Variants in CLUAP1 observed in about 807,000 individuals in gnomAD.
The protein encoded by CLUAP1 is clusterin-associated protein 1.
Under a neutral mutation model 55.0 loss-of-function variants are expected in CLUAP1, and 50 were observed. The ratio of observed to expected loss-of-function variants is 0.91; its 90% CI spans 0.72 to 1.15. CLUAP1 has a LOEUF of 1.15. CLUAP1 is among the 50% of genes most tolerant of loss of function. The probability of loss-of-function intolerance (pLI) is 0.00; values close to 1 mark genes in which losing one functional copy is unlikely to be tolerated. For missense variants in CLUAP1, 530 were observed against 507.6 expected (o/e 1.04, Z -0.42); for synonymous variants, 195 against 175.4 (o/e 1.11, Z -0.88).
At chr16:3,500,840 G>T (rs541918831), upstream of CLUAP1, 61 of 572,262 alleles carry the variant, frequency 1.1e-4, no homozygotes, top group East Asian at 1.6e-3. Context: ...CCTCATAGAC[G>T]CCGGTATCGC....
chr16:3,517,944 T>C (rs1187646019), intron 6 of CLUAP1, among the ~76,000 whole-genome samples: 1 of 152,144 alleles, frequency 6.6e-6, no homozygotes, highest in Non-Finnish European at 1.5e-5. Context: ...CATAGGCAGC[T>C]CCTATCTGCT....
chr16:3,501,639 G>T (rs1337910000), intron 1 of CLUAP1, among the ~76,000 whole-genome samples: 1 of 152,162 alleles, frequency 6.6e-6, no homozygotes, highest in African/African-American at 2.4e-5. Context: ...AAAATTAGCC[G>T]GGGGTGGTGG....
chr16:3,529,616 A>T lies in CLUAP1; in HGVS notation c.929-952A>T, dbSNP rs867455355. Among the ~76,000 whole-genome samples, 9 of 17,774 alleles carry T rather than the reference A, an allele frequency of 5.1e-4. 1 individual carries two copies. The highest frequency in any genetic ancestry group is 1.8e-3 in the African/African-American group (6 of 3,300). 11.7% of individuals were successfully genotyped at this position (17,774 alleles called of 152,430 possible). On this transcript the variant is annotated intron_variant, in intron 9 of 11. Transcript: ENST00000576634. ...ATTATTATATATTATATATTATATA[A>T]TATTATATATTATATATTATTATAT...
chr16:3,531,868 A>G (rs576462597), intron 10 of CLUAP1, among the ~76,000 whole-genome samples: 2 of 151,580 alleles, frequency 1.3e-5, no homozygotes, highest in East Asian at 3.9e-4. Context: ...TTTTGAGACA[A>G]AGTCTCGCTC....
At chr16:3,502,867 C>CT (rs1241900821) in intron 1 of CLUAP1, among the ~76,000 whole-genome samples, 1 of 152,202 alleles carries the variant, frequency 6.6e-6, no homozygotes, top group Non-Finnish European at 1.5e-5. Context: ...AAGGATCTTA[C>CT]TCAAATTAGT....
At chr16:3,519,769 G>A in intron 6 of CLUAP1, 134 bp from the exon 7 acceptor site, 1 of 787,218 alleles carries the variant, frequency 1.3e-6, no homozygotes, top group Non-Finnish European at 1.9e-6. Flanking sequence ...CATTGCTTGG[G>A]GAAGTGTCTA....
At chr16:3,529,714 A>AT (rs1491217969) in intron 9 of CLUAP1, among the ~76,000 whole-genome samples, 1 of 35,820 alleles carries the variant, frequency 2.8e-5, no homozygotes, top group African/African-American at 1.5e-4. Context: ...TATATTATAT[A>AT]ATATTATATA....
At chr16:3,522,335 T>A (rs1466948939) in intron 7 of CLUAP1, among the ~76,000 whole-genome samples, 2 of 152,052 alleles carry the variant, frequency 1.3e-5, no homozygotes, top group Non-Finnish European at 2.9e-5. Flanking sequence ...GGCTAATGTT[T>A]GTATTTTTAG....
chr16:3,500,340 G>A (rs2037364692), upstream of CLUAP1, among the ~76,000 whole-genome samples: 1 of 152,132 alleles, frequency 6.6e-6, no homozygotes, highest in Non-Finnish European at 1.5e-5. Context: ...TCGGACGGGG[G>A]AAGGCGGGCT....
intron 1 of CLUAP1, 35 bp downstream of exon 1, chr16:3,501,124 C>A: frequency 6.4e-7 from 1 of 1,571,580 alleles, no homozygotes; most frequent in Non-Finnish European, 8.6e-7. Flanking sequence ...ACCTGCGGGT[C>A]TTCCAGAGAT....
chr16:3,530,711 G>T (rs746327405), intron 10 of CLUAP1, 36 bp downstream of exon 10: 4 of 1,547,410 alleles, frequency 2.6e-6, no homozygotes, highest in Non-Finnish European at 3.6e-6. Context: ...TCCTCCCTGC[G>T]CCCTGTTTCA....
the CLUAP1 span, among the ~76,000 whole-genome samples, chr16:3,495,674 G>T: frequency 6.6e-6 from 1 of 152,220 alleles, no homozygotes; most frequent in African/African-American, 2.4e-5. Context: ...CTGGGGTCAG[G>T]CCACATAAAA....
intron 10 of CLUAP1, among the ~76,000 whole-genome samples, chr16:3,532,121 G>A (rs1035412321): frequency 1.3e-5 from 2 of 152,120 alleles, no homozygotes; most frequent in Non-Finnish European, 2.9e-5. Flanking sequence ...TTACAGGCCT[G>A]AGCCACCACT....
chr16:3,526,390 G>A (rs1225457326), intron 8 of CLUAP1, 22 bp from the exon 9 acceptor site: 7 of 1,567,674 alleles, frequency 4.5e-6, no homozygotes, highest in Admixed American at 1.9e-5. Context: ...TCTCTCCTGA[G>A]TCTGTATTTC....
chr16:3,503,189 A>T (rs1048600272), intron 1 of CLUAP1, among the ~76,000 whole-genome samples: 2 of 151,828 alleles, frequency 1.3e-5, no homozygotes, highest in Non-Finnish European at 2.9e-5. Context: ...TTTGAGATGG[A>T]GTCTCGCTCT....
chr16:3,506,823 C>G (rs1272404982), intron 3 of CLUAP1, among the ~76,000 whole-genome samples: 1 of 151,786 alleles, frequency 6.6e-6, no homozygotes, highest in Non-Finnish European at 1.5e-5. Context: ...CTTTCTAAAA[C>G]CATTCCATTG....
chr16:3,508,486 C>T lies in CLUAP1; in HGVS notation c.399+18C>T. On this transcript the variant is annotated intron_variant, in intron 4 of 11. Coordinates refer to ENST00000576634, the MANE Select transcript of CLUAP1 (RefSeq NM_015041.3). ...GCTCAAAGGTAAGGACAACAAAAGC[C>T]TTGTAGTGGGCGATGGAGCGTTGAT... The T allele has an allele frequency of 6.5e-7, 1 of 1,541,072 alleles. No homozygotes were observed. Among genetic ancestry groups the T allele is most frequent in the Non-Finnish European group, 8.7e-7 (1 of 1,153,132 alleles).
At chr16:3,508,215 C>T (rs897059778) in intron 3 of CLUAP1, 74 bp from the exon 4 acceptor site, 12 of 1,361,462 alleles carry the variant, frequency 8.8e-6, no homozygotes, top group Admixed American at 4.9e-5. Flanking sequence ...ATTTTCAACT[C>T]ACCTACATGG....
chr16:3,501,057 A>T lies in CLUAP1; in HGVS notation c.-11A>T. On this transcript the variant is annotated 5_prime_UTR_variant, in exon 1 of 12. Transcript: ENST00000576634. The stretch of plus-strand genomic sequence containing the variant: ...CAGTTGCGACCCTGGGCTCCTGGGG[A>T]CCTGAGCGTTATGTCTTTCCGCGAC... The T allele has an allele frequency of 6.3e-7, 1 of 1,599,692 alleles. No individual in the cohort carries two copies. The highest frequency in any genetic ancestry group is 8.5e-7 in the Non-Finnish European group (1 of 1,176,408).
Sources: allele counts gnomAD v4.1 joint callset (sites outside exome capture counted in the v4.1 genomes callset), GRCh38; gene constraint gnomAD v4.1.1; transcripts MANE v1.5; gene names NCBI Gene and HGNC (gene_info 2026-07-23, HGNC 2026-07-21).